The following KIF26A variants were observed in gnomAD, a reference collection of about 807,000 sequenced individuals.
The protein encoded by KIF26A is kinesin family member 26A.
In KIF26A, 74 loss-of-function variants were observed where a neutral mutation model predicts 126.0. That is an observed-to-expected ratio of 0.59 (90% CI 0.49 to 0.71). The LOEUF is 0.71. KIF26A is among the 30% of genes least tolerant of loss of function. The pLI is 0.00. For synonymous variants in KIF26A, 1,445 were observed against 1,232.7 expected (o/e 1.17, Z -3.61); for missense variants, 2,984 against 2,763.3 (o/e 1.08, Z -1.79).
chr14:104,165,609 C>G (rs1335427439), intron 4 of KIF26A, among the ~76,000 whole-genome samples: 1 of 135,706 alleles, frequency 7.4e-6, no homozygotes, highest in Non-Finnish European at 1.5e-5. Flanking sequence ...ATGTGTGTGT[C>G]TCTGTCTCTG....
At position 104,141,569 on chromosome 14, in the gene KIF26A, C is replaced by T. The variant is rs573342346; in HGVS notation, c.288+2281C>T. ...CTGCCAGGGTCTCCCTGCCTGTCTC[C>T]GTTGTAGAGGGAGGCGTAGAGGGTC... On this transcript the variant is annotated intron_variant, in intron 2 of 14. Coordinates refer to ENST00000423312, the MANE Select transcript of KIF26A (RefSeq NM_015656.2). 4.8e-4 allele frequency among the ~76,000 whole-genome samples: 71 copies of T among 149,122 alleles called. No individual in the cohort carries two copies. The South Asian group carries it at 0.013, about 28-fold the overall frequency.
chr14:104,179,186 C>G lies in KIF26A; in HGVS notation c.5317-50C>G, dbSNP rs186828087. On this transcript the variant is annotated intron_variant, in intron 13 of 14. Coordinates refer to ENST00000423312, the MANE Select transcript of KIF26A (RefSeq NM_015656.2). ...GGCCACATCAGGGCTGCTTGGGGGT[C>G]TCTGGGGAGAGGGTCCCATGCCTGA... The G allele has an allele frequency of 2.5e-4, 359 of 1,417,304 alleles. 1 individual carries two copies. In the East Asian group the frequency reaches 8.2e-3, roughly 32 times the overall value. 87.8% of individuals were successfully genotyped at this position (1,417,304 alleles called of 1,614,324 possible).
intron 13 of KIF26A, among the ~76,000 whole-genome samples, chr14:104,178,972 G>A (rs1386460138): frequency 6.6e-6 from 1 of 152,210 alleles, no homozygotes; most frequent in Non-Finnish European, 1.5e-5. Context: ...TGGGCAGTGG[G>A]TGGGTGGCTG....
chr14:104,159,142 C>A (rs946801966), intron 4 of KIF26A, among the ~76,000 whole-genome samples: 1 of 152,224 alleles, frequency 6.6e-6, no homozygotes, highest in Non-Finnish European at 1.5e-5. Flanking sequence ...GCGCACGTGA[C>A]CAGTGTGGCC....
intron 5 of KIF26A, among the ~76,000 whole-genome samples, chr14:104,171,519 G>C (rs910123973): frequency 6.6e-6 from 1 of 152,190 alleles, no homozygotes; most frequent in African/African-American, 2.4e-5. Context: ...CCTCTCCCTG[G>C]CCCTCACCTT....
chr14:104,170,824 TC>T (rs1472323518), intron 5 of KIF26A, among the ~76,000 whole-genome samples: 10 of 152,254 alleles, frequency 6.6e-5, no homozygotes, highest in African/African-American at 2.4e-4. Flanking sequence ...GTCCTGCCCC[TC>T]CCCGGCGTCT....
rs529351113 is a variant in KIF26A at position 104,178,543 on chromosome 14, G to A, written c.5111-7G>A. On this transcript the variant is annotated splice_region_variant and splice_polypyrimidine_tract_variant and intron_variant, in intron 12 of 14. Coordinates refer to ENST00000423312, the MANE Select transcript of KIF26A (RefSeq NM_015656.2). Reference sequence around the variant, plus strand: ...CTGTTCACCCTGTGCCCGGCTCTCCGTTCCAGGTCTGCAGCGGCGGCGCCT... The same window carrying A: ...CTGTTCACCCTGTGCCCGGCTCTCCATTCCAGGTCTGCAGCGGCGGCGCCT... 1.9e-5 allele frequency: 27 copies of A among 1,454,220 alleles called. No homozygotes were observed. Among genetic ancestry groups the A allele is most frequent in the East Asian group, 7.8e-5 (3 of 38,638 alleles). The allele number at this position is 1,454,220 out of a possible 1,614,324, so 90.1% of individuals were successfully genotyped here. A position where few individuals can be genotyped will look rare whatever the true frequency, so the allele number is the denominator to read the frequency against.
At chr14:104,168,956 A>G (rs2037932428) in intron 5 of KIF26A, among the ~76,000 whole-genome samples, 2 of 151,792 alleles carry the variant, frequency 1.3e-5, no homozygotes, top group Non-Finnish European at 2.9e-5. Flanking sequence ...TCTGCGGGGA[A>G]CAAGGGGGCT....
chr14:104,144,186 C>T (rs775003169), intron 2 of KIF26A, among the ~76,000 whole-genome samples: 1 of 152,114 alleles, frequency 6.6e-6, no homozygotes, highest in Non-Finnish European at 1.5e-5. Flanking sequence ...CTTTGGGGTC[C>T]CAGGGGTTGA....
At position 104,140,901 on chromosome 14, in the gene KIF26A, CCTT is replaced by C. The variant is rs554455561; in HGVS notation, c.288+1619_288+1621del. On this transcript the variant is annotated intron_variant, in intron 2 of 14. Transcript: ENST00000423312. ...CAGGGCTTTGTTCTGCTCTGGGCCCCCTTCTTCTGCTTTGTGGTCTCCTCTGTC... is the reference window on the plus strand; with the variant it reads ...CAGGGCTTTGTTCTGCTCTGGGCCCCCTTCTGCTTTGTGGTCTCCTCTGTC... Among the ~76,000 whole-genome samples the C allele has an allele frequency of 4.2e-3, 647 of 152,300 alleles. 3 individuals carry two copies. The highest frequency in any genetic ancestry group is 0.014 in the African/African-American group (585 of 41,568).
rs1331431168 is a variant in KIF26A at position 104,178,176 on chromosome 14, C to G, written c.5110+278C>G. On this transcript the variant is annotated intron_variant, in intron 12 of 14. Transcript: ENST00000423312. Reference sequence around the variant, plus strand: ...ATCCTGGTCTGTGTCTGGGTGAGCACAAGGGCAGCCCTGCACAGGTCGCCA... The same window carrying G: ...ATCCTGGTCTGTGTCTGGGTGAGCAGAAGGGCAGCCCTGCACAGGTCGCCA... 3.3e-5 allele frequency among the ~76,000 whole-genome samples: 5 copies of G among 152,254 alleles called. No individual in the cohort carries two copies. In the East Asian group the frequency reaches 7.7e-4, roughly 24 times the overall value.
At position 104,138,772 on chromosome 14, in the gene KIF26A, C is replaced by T; in HGVS notation, c.42+8C>T. On this transcript the variant is annotated splice_region_variant and intron_variant, in intron 1 of 14. Transcript: ENST00000423312. ...TGCGCTGCGCAGCCCGCGGTACGCG[C>T]GGCCCGGCCTGGAGAGGGAGGCGGG... 1 of 1,257,648 alleles carries T rather than the reference C, an allele frequency of 8.0e-7. No homozygotes were observed. The highest frequency in any genetic ancestry group is 1.0e-6 in the Non-Finnish European group (1 of 1,004,150). 77.9% of individuals were successfully genotyped at this position (1,257,648 alleles called of 1,614,324 possible). A position where few individuals can be genotyped will look rare whatever the true frequency, so the allele number is the denominator to read the frequency against.
intron 11 of KIF26A, 84 bp downstream of exon 11, chr14:104,174,394 T>TG: frequency 7.4e-7 from 1 of 1,353,836 alleles, no homozygotes; most frequent in Non-Finnish European, 9.7e-7. Flanking sequence ...CTGGTTGGGG[T>TG]GGGGGTCAGC....
chr14:104,177,198 C>T lies in KIF26A; in HGVS notation c.4410C>T (p.Ser1470=), dbSNP rs1253132588. 1.9e-6 allele frequency: 3 copies of T among 1,595,830 alleles called. No homozygotes were observed. Among genetic ancestry groups the T allele is most frequent in the South Asian group, 2.2e-5 (2 of 90,496 alleles). Residue 1470 remains serine, a synonymous_variant, in exon 12 of 15, where the codon TCC becomes TCT. Transcript: ENST00000423312. The part of the protein sequence containing the change: ...RAVPKLGVPP[S]SPTHGPAPAC... ...TACCCAAGCTGGGTGTGCCACCCTC[C>T]AGCCCCACACACGGTCCAGCTCCCG... is the stretch of plus-strand genomic sequence containing the variant.
chr14:104,170,820 C>T (rs1415514053), intron 5 of KIF26A, among the ~76,000 whole-genome samples: 1 of 152,250 alleles, frequency 6.6e-6, no homozygotes, highest in Non-Finnish European at 1.5e-5. Context: ...CTGGGTCCTG[C>T]CCCTCCCCGG....
In KIF26A at chr14:104,177,750, C is replaced by A; in HGVS notation, c.4962C>A (p.Ser1654Arg). The change falls in exon 12 of 15, where the codon AGC (serine) becomes AGA (arginine). Residue 1654 changes from serine (S) to arginine (R), a missense_variant. Transcript: ENST00000423312. ...AMGRTALFHH[S>R]GGSSGYESLR... is the part of the protein sequence containing the mutation. ...GCCGCACCGCCCTTTTCCACCACAG[C>A]GGTGGCAGCAGTGGCTATGAGAGCC... The A allele has an allele frequency of 6.5e-7, 1 of 1,545,158 alleles. No homozygotes were observed. Among genetic ancestry groups the A allele is most frequent in the Non-Finnish European group, 8.7e-7 (1 of 1,152,518 alleles).
Position 104,152,346 on chromosome 14 carries a change from T to C in KIF26A, c.620T>C (p.Val207Ala). 1 of 1,585,314 alleles carries C rather than the reference T, an allele frequency of 6.3e-7. No homozygotes were observed. Among genetic ancestry groups the C allele is most frequent in the Non-Finnish European group, 8.6e-7 (1 of 1,167,704 alleles). ...CCCGGGCCCAGTGTCCAGGTGTCTG[T>C]AGCACCTGCGGGTCTTGGAGGGGCG... ...WSPGPSVQVS[V>A]APAGLGGALS... The change falls in exon 3 of 15, where the codon GTA (valine) becomes GCA (alanine). Residue 207 changes from valine (V) to alanine (A), a missense_variant. Coordinates refer to ENST00000423312, the MANE Select transcript of KIF26A (RefSeq NM_015656.2). This position sits in a 1 kb window ranked among gnomAD's most constrained non-coding sequence, Gnocchi z 5.9.
At chr14:104,159,160 C>T (rs1252035584) in intron 4 of KIF26A, among the ~76,000 whole-genome samples, 1 of 152,234 alleles carries the variant, frequency 6.6e-6, no homozygotes, top group African/African-American at 2.4e-5. Context: ...GCCTCAGCGC[C>T]ACCCCAATTA....
intron 3 of KIF26A, among the ~76,000 whole-genome samples, chr14:104,153,255 TGGCTGCTGGGCTGGTCCTTCTGA>T (rs1243559497): frequency 2.6e-5 from 4 of 152,058 alleles, no homozygotes; most frequent in African/African-American, 7.2e-5. Context: ...GCCCTGGCAG[TGGCTGCTGGGCTGGTCCTTCTGA>T]GGCTGCTGGG....
Sources: gnomAD v4.1 joint callset for allele counts (sites outside exome capture counted in the v4.1 genomes callset) on GRCh38, gnomAD v4.1.1 for gene constraint, Gnocchi (gnomAD v3.1) non-coding constraint, MANE v1.5 for transcripts, NCBI Gene and HGNC (gene_info 2026-07-23, HGNC 2026-07-21) for gene names.